The following PATJ variants were observed in gnomAD, a reference collection of about 807,000 sequenced individuals.
PATJ encodes the protein inaD-like protein.
In PATJ, 190 loss-of-function variants were observed where a neutral mutation model predicts 224.9. That is an observed-to-expected ratio of 0.84 (90% CI 0.75 to 0.95). PATJ has a LOEUF of 0.95. Among genes scored for constraint, PATJ ranks in the 40% least tolerant of loss-of-function variants. The probability of loss-of-function intolerance (pLI) is 0.00; values close to 1 mark genes in which losing one functional copy is unlikely to be tolerated. For missense variants in PATJ, 2,121 were observed against 2,270.3 expected, an observed-to-expected ratio of 0.93 and a Z score of 1.34; for synonymous variants, 769 against 820.3, an observed-to-expected ratio of 0.94 and a Z score of 1.07.
intron 20 of PATJ, chr1:61,865,352 C>T (rs1442009388): frequency 6.6e-6 from 1 of 151,514 alleles, no homozygotes; most frequent in Non-Finnish European, 1.5e-5. Context: ...TCCTGAGCTG[C>T]TGGGACCACA....
intron 42 of PATJ, among the ~76,000 whole-genome samples, chr1:62,148,849 G>A (rs972311458): frequency 2.0e-5 from 3 of 152,098 alleles, no homozygotes; most frequent in Non-Finnish European, 4.4e-5. Flanking sequence ...TCTAAGGGCC[G>A]GGCTCAGTGG....
In PATJ at chr1:61,924,948, C is replaced by T. The variant is rs1419000124; in HGVS notation, c.3571-2782C>T. 1.3e-3 allele frequency among the ~76,000 whole-genome samples: 2 copies of T among 1,536 alleles called. 1 individual carries two copies. Among genetic ancestry groups the T allele is most frequent in the Non-Finnish European group, 1.9e-3 (2 of 1,058 alleles). The allele number at this position is 1,536 out of a possible 152,430, so 1.0% of individuals were successfully genotyped here. A position where few individuals can be genotyped will look rare whatever the true frequency, so the allele number is the denominator to read the frequency against. On this transcript the variant is annotated intron_variant, in intron 26 of 43. Coordinates refer to ENST00000642238, the MANE Select transcript of PATJ (RefSeq NM_001350145.3). ...AGACAGGCGGCCGGGCGCGGTGGCT[C>T]ACGCCTGTAATCCCAGCACTTTGGG... is the stretch of plus-strand genomic sequence containing the variant.
chr1:62,000,848 T>C (rs1478972948), intron 28 of PATJ, among the ~76,000 whole-genome samples: 4 of 151,212 alleles, frequency 2.6e-5, no homozygotes, highest in African/African-American at 4.9e-5. Context: ...TCCACATCCT[T>C]TCCAGCACTT....
At chr1:61,938,349 TA>T (rs1677212125) in intron 27 of PATJ, among the ~76,000 whole-genome samples, 1 of 151,768 alleles carries the variant, frequency 6.6e-6, no homozygotes, top group Non-Finnish European at 1.5e-5. Context: ...AAACATTGTT[TA>T]AAGTTGCAGT....
chr1:61,902,665 A>G (rs1194280111), intron 24 of PATJ, among the ~76,000 whole-genome samples: 1 of 152,196 alleles, frequency 6.6e-6, no homozygotes, highest in Non-Finnish European at 1.5e-5. Flanking sequence ...TATGGCAATG[A>G]AGAAAATGAC....
rs901854861 is a variant in PATJ at position 61,743,576 on chromosome 1, A to G, written c.-36+1021A>G. 2.0e-5 allele frequency among the ~76,000 whole-genome samples: 3 copies of G among 152,226 alleles called. No individual in the cohort carries two copies. In the East Asian group the frequency reaches 5.8e-4, roughly 29 times the overall value. On this transcript the variant is annotated intron_variant, in intron 1 of 43. Transcript: ENST00000642238. ...GACAATGTCGGTTCCACTGAGGATG[A>G]TACTACCACATTCTGGGCTAAATTC... is the stretch of plus-strand genomic sequence containing the variant.
chr1:61,833,844 G>A, intron 17 of PATJ, 59 bp downstream of exon 17: 1 of 1,498,896 alleles, frequency 6.7e-7, no homozygotes, highest in Non-Finnish European at 9.0e-7. Context: ...TTAAAGTTAT[G>A]GGAAGTAGCA....
intron 27 of PATJ, among the ~76,000 whole-genome samples, chr1:61,933,539 C>CAAAA (rs796818712): frequency 1.4e-5 from 1 of 71,884 alleles, no homozygotes; most frequent in Non-Finnish European, 3.2e-5. Flanking sequence ...GACTCCATCT[C>CAAAA]AAAAAAAAAA....
chr1:61,794,815 C>G (rs1650697181), intron 9 of PATJ, among the ~76,000 whole-genome samples: 1 of 151,802 alleles, frequency 6.6e-6, no homozygotes, highest in Admixed American at 6.6e-5. Flanking sequence ...TGGTGAAACC[C>G]CATCTCTACT....
chr1:62,153,195 T>C (rs1668805953), intron 42 of PATJ, among the ~76,000 whole-genome samples, 163 bp from the exon 43 acceptor site: 1 of 152,214 alleles, frequency 6.6e-6, no homozygotes, highest in Non-Finnish European at 1.5e-5. Flanking sequence ...CATGAGAAGT[T>C]AGAAAATAAC....
chr1:61,771,474 C>T lies in PATJ; in HGVS notation c.568C>T (p.His190Tyr). The T allele has an allele frequency of 6.2e-7, 1 of 1,607,136 alleles. No homozygotes were observed. Among genetic ancestry groups the T allele is most frequent in the Non-Finnish European group, 8.5e-7 (1 of 1,177,568 alleles). Residue 190 changes from histidine to tyrosine, a missense_variant, in exon 6 of 44, where the codon CAC becomes TAC. His to Tyr is a moderately conservative substitution (Grantham distance 83). Transcript: ENST00000642238. Reference sequence around the variant, plus strand: ...AAATGATCAAATATTGGCCATTAATCACACGCCATTGGATCAGAACATTTC... The same window carrying T: ...AAATGATCAAATATTGGCCATTAATTACACGCCATTGGATCAGAACATTTC... ...KENDQILAIN[H>Y]TPLDQNISHQ...
intron 8 of PATJ, 51 bp from the exon 9 acceptor site, chr1:61,791,297 A>G (rs368721216): frequency 4.4e-5 from 46 of 1,053,188 alleles, no homozygotes; most frequent in Non-Finnish European, 6.5e-5. Context: ...GACTATGTAC[A>G]CACAGGTATG....
At chr1:61,810,576 A>T (rs1011789942) in intron 14 of PATJ, among the ~76,000 whole-genome samples, 6 of 152,040 alleles carry the variant, frequency 3.9e-5, no homozygotes, top group African/African-American at 1.4e-4. Flanking sequence ...ATGCACCTGT[A>T]GCCCCAGCTA....
intron 14 of PATJ, among the ~76,000 whole-genome samples, chr1:61,820,841 A>T (rs1347598885): frequency 6.6e-6 from 1 of 152,106 alleles, no homozygotes; most frequent in Non-Finnish European, 1.5e-5. Flanking sequence ...GAAGGAAGAC[A>T]GTTGGCAGAG....
intron 22 of PATJ, among the ~76,000 whole-genome samples, chr1:61,888,102 GC>G (rs1669129171): frequency 6.6e-6 from 1 of 152,174 alleles, no homozygotes; most frequent in Non-Finnish European, 1.5e-5. Flanking sequence ...CAAAAGCCAG[GC>G]CGGTATGCAG....
intron 25 of PATJ, 98 bp downstream of exon 25, chr1:61,908,580 A>C: frequency 1.4e-6 from 1 of 737,040 alleles, no homozygotes; most frequent in Non-Finnish European, 2.3e-6. Flanking sequence ...TTTTCATTGT[A>C]GTTCCCAAAC....
At chr1:61,763,806 G>A (rs574740289) in intron 3 of PATJ, among the ~76,000 whole-genome samples, 5 of 152,086 alleles carry the variant, frequency 3.3e-5, no homozygotes, top group African/African-American at 1.2e-4. Context: ...ATAGGTGTGT[G>A]CCACCACAGT....
intron 20 of PATJ, among the ~76,000 whole-genome samples, chr1:61,870,560 CA>C (rs1428037477): frequency 1.7e-4 from 26 of 152,256 alleles, no homozygotes; most frequent in African/African-American, 5.3e-4. Flanking sequence ...CTGTCACTAC[CA>C]ATACCAACTC....
intron 39 of PATJ, 152 bp downstream of exon 39, chr1:62,123,210 C>T: frequency 1.7e-6 from 1 of 584,196 alleles, no homozygotes; most frequent in Non-Finnish European, 3.0e-6. Context: ...AATAAATAGA[C>T]TTAGAAAAGT....
Sources: allele counts gnomAD v4.1 joint callset (sites outside exome capture counted in the v4.1 genomes callset), GRCh38; gene constraint gnomAD v4.1.1; transcripts MANE v1.5; gene names NCBI Gene and HGNC (gene_info 2026-07-23, HGNC 2026-07-21).